ROBO1: variants seen among roughly 807,000 people sequenced by gnomAD.
ROBO1 encodes roundabout homolog 1.
Under a neutral mutation model 195.9 loss-of-function variants are expected in ROBO1, and 149 were observed. That is an observed-to-expected ratio of 0.76 (90% CI 0.67 to 0.87). ROBO1 has a LOEUF of 0.87. Ranked by LOEUF, ROBO1 falls within the 40% of genes least tolerant of loss-of-function variation. The probability of loss-of-function intolerance (pLI) is 0.00; values close to 1 mark genes in which losing one functional copy is unlikely to be tolerated. For synonymous variants in ROBO1, 816 were observed against 733.2 expected, an observed-to-expected ratio of 1.11 and a Z score of -1.82; for missense variants, 1,933 against 2,068.3, an observed-to-expected ratio of 0.93 and a Z score of 1.27.
chr3:79,614,112 A>G (rs558578654), intron 1 of ROBO1, among the ~76,000 whole-genome samples: 1 of 152,238 alleles, frequency 6.6e-6, no homozygotes, highest in South Asian at 2.1e-4. Flanking sequence ...TATCATTAGG[A>G]ATACAGAAAA....
chr3:78,860,109 G>A (rs1314761757), intron 4 of ROBO1, among the ~76,000 whole-genome samples: 2 of 148,806 alleles, frequency 1.3e-5, no homozygotes, highest in East Asian at 3.9e-4. Context: ...AGGGGTTTTA[G>A]GAAAGAAGGG....
chr3:78,783,873 G>A (rs2083753512), intron 4 of ROBO1, among the ~76,000 whole-genome samples: 1 of 152,076 alleles, frequency 6.6e-6, no homozygotes, highest in South Asian at 2.1e-4. Flanking sequence ...ACTATCCAAG[G>A]AACAGGATGT....
At chr3:79,087,058 AATC>A (rs1334302199) in intron 3 of ROBO1, among the ~76,000 whole-genome samples, 1 of 152,094 alleles carries the variant, frequency 6.6e-6, no homozygotes, top group Non-Finnish European at 1.5e-5. Context: ...TTATAAAAAT[AATC>A]ATATTTAATT....
intron 2 of ROBO1, among the ~76,000 whole-genome samples, chr3:79,490,581 G>A (rs1939399659): frequency 1.3e-5 from 2 of 152,146 alleles, no homozygotes; most frequent in Non-Finnish European, 2.9e-5. Context: ...TGAAGAGTTC[G>A]GCTTCTAGTT....
At chr3:78,766,029 G>C (rs1321409149) in intron 4 of ROBO1, among the ~76,000 whole-genome samples, 3 of 152,132 alleles carry the variant, frequency 2.0e-5, no homozygotes, top group African/African-American at 4.8e-5. Flanking sequence ...CCTTGGGCTA[G>C]AGCTCAAAGG....
intron 3 of ROBO1, among the ~76,000 whole-genome samples, chr3:78,993,448 G>A (rs2077283820): frequency 6.6e-6 from 1 of 152,120 alleles, no homozygotes; most frequent in Admixed American, 6.6e-5. Flanking sequence ...CTAAAAGCCT[G>A]CATTTACTCA....
At chr3:79,391,981 C>T (rs1048884988) in intron 2 of ROBO1, among the ~76,000 whole-genome samples, 6 of 152,112 alleles carry the variant, frequency 3.9e-5, no homozygotes, top group African/African-American at 1.4e-4. Context: ...GATATAAAGA[C>T]GTGATGCCTT....
At chr3:79,620,428 C>A (rs1312298598) in intron 1 of ROBO1, among the ~76,000 whole-genome samples, 1 of 152,086 alleles carries the variant, frequency 6.6e-6, no homozygotes, top group Admixed American at 6.6e-5. Flanking sequence ...TTTCAAGGGC[C>A]CCTTTCCCTT....
rs2039521295 is a variant in ROBO1 at position 78,931,341 on chromosome 3, A to C, written c.499+7260T>G. Among the ~76,000 whole-genome samples the C allele has an allele frequency of 2.7e-5, 4 of 147,534 alleles. No individual in the cohort carries two copies. The South Asian group carries it at 8.5e-4, about 31-fold the overall frequency. On this transcript the variant is annotated intron_variant, in intron 4 of 30. Coordinates refer to ENST00000464233, the MANE Select transcript of ROBO1 (RefSeq NM_002941.4). Reference sequence around the variant, plus strand: ...CTGCAACCTCCGCCTCCCAGGTTCAAGTGATTCTCCTGCCTCAGCCTCAGC... The same window carrying C: ...CTGCAACCTCCGCCTCCCAGGTTCACGTGATTCTCCTGCCTCAGCCTCAGC...
chr3:79,615,258 A>G (rs1944784274), intron 1 of ROBO1, among the ~76,000 whole-genome samples: 1 of 152,130 alleles, frequency 6.6e-6, no homozygotes, highest in Non-Finnish European at 1.5e-5. Flanking sequence ...ACTAACTTCT[A>G]TTGATTCCAG....
At chr3:78,893,781 T>A (rs922320131) in intron 4 of ROBO1, among the ~76,000 whole-genome samples, 1 of 152,006 alleles carries the variant, frequency 6.6e-6, no homozygotes, top group Non-Finnish European at 1.5e-5. Flanking sequence ...TAAAAAAAAA[T>A]TGATTTCTAT....
intron 3 of ROBO1, among the ~76,000 whole-genome samples, chr3:79,054,406 T>C (rs1386551340): frequency 6.6e-6 from 1 of 152,096 alleles, no homozygotes; most frequent in African/African-American, 2.4e-5. Context: ...CTCCTTCGTA[T>C]GTTAGCTTTT....
intron 1 of ROBO1, among the ~76,000 whole-genome samples, chr3:79,747,080 T>C (rs995110827): frequency 4.6e-5 from 7 of 152,168 alleles, no homozygotes; most frequent in Non-Finnish European, 8.8e-5. Context: ...AAGTAGGGAA[T>C]ATAAACTCAC....
chr3:78,619,711 T>G (rs554765546), intron 26 of ROBO1, among the ~76,000 whole-genome samples: 1 of 151,872 alleles, frequency 6.6e-6, no homozygotes, highest in East Asian at 2.0e-4. Flanking sequence ...GAATGCACAA[T>G]TGAGGTTTTA....
intron 2 of ROBO1, among the ~76,000 whole-genome samples, chr3:79,516,223 A>T (rs1399827884): frequency 1.3e-5 from 2 of 152,204 alleles, no homozygotes; most frequent in African/African-American, 2.4e-5. Flanking sequence ...ATTCAAAAAT[A>T]ATTTTAAATA....
In ROBO1 at chr3:79,511,409, A is replaced by T. The variant is rs555103533; in HGVS notation, c.88+78415T>A. On this transcript the variant is annotated intron_variant, in intron 2 of 30. Transcript: ENST00000464233. ...GATGGATATATTAGTAAATTTCTCT[A>T]CTTACTTTCTACTATTCTCGAAGGA... Among the ~76,000 whole-genome samples, 4 of 152,290 alleles carry T rather than the reference A, an allele frequency of 2.6e-5. No homozygotes were observed. The East Asian group carries it at 7.7e-4, about 29-fold the overall frequency.
At chr3:78,686,901 AGAGT>A (rs2081065222) in intron 9 of ROBO1, among the ~76,000 whole-genome samples, 1 of 152,186 alleles carries the variant, frequency 6.6e-6, no homozygotes, top group African/African-American at 2.4e-5. Flanking sequence ...CACGCTTCTT[AGAGT>A]TAGTGTATAT....
intron 1 of ROBO1, among the ~76,000 whole-genome samples, chr3:79,653,099 A>G (rs548878673): frequency 6.6e-6 from 1 of 151,848 alleles, no homozygotes; most frequent in African/African-American, 2.4e-5. Context: ...AATTTTGATT[A>G]ATGAAAAAAT....
chr3:79,424,975 G>A (rs763325375), intron 2 of ROBO1, among the ~76,000 whole-genome samples: 1 of 152,132 alleles, frequency 6.6e-6, no homozygotes, highest in African/African-American at 2.4e-5. Context: ...CCCTGAGGCT[G>A]AGAACAGTAG....
Sources: gnomAD v4.1 joint callset for allele counts (sites outside exome capture counted in the v4.1 genomes callset) on GRCh38, gnomAD v4.1.1 for gene constraint, MANE v1.5 for transcripts, NCBI Gene and HGNC (gene_info 2026-07-23, HGNC 2026-07-21) for gene names.